Variants in FOXN3 observed in about 807,000 individuals in gnomAD.
The protein encoded by FOXN3 is forkhead box N3.
FOXN3 carries 7 observed loss-of-function variants against 38.4 expected under a neutral mutation model. The observed-to-expected ratio is 0.18, with a 90% CI of 0.10 to 0.34. The LOEUF is 0.34. FOXN3 is among the 10% of genes least tolerant of loss of function. The probability of loss-of-function intolerance (pLI) is 1.00; values close to 1 mark genes in which losing one functional copy is unlikely to be tolerated. For synonymous variants in FOXN3, 230 were observed against 242.2 expected (o/e 0.95, Z 0.47); for missense variants, 456 against 613.4 (o/e 0.74, Z 2.71).
intron 1 of FOXN3, among the ~76,000 whole-genome samples, chr14:89,531,556 C>T (rs1302080120): frequency 6.6e-6 from 1 of 152,182 alleles, no homozygotes; most frequent in East Asian, 1.9e-4. Context: ...CTTGTGGAAT[C>T]CCAGTGCTAT....
chr14:89,617,579 G>A (rs974511321), intron 1 of FOXN3, among the ~76,000 whole-genome samples: 4 of 152,106 alleles, frequency 2.6e-5, no homozygotes, highest in African/African-American at 9.7e-5. Flanking sequence ...ATCAAAACCC[G>A]GTTAGGAATC....
At chr14:89,269,972 T>G (rs1308952603) in intron 4 of FOXN3, among the ~76,000 whole-genome samples, 1 of 152,186 alleles carries the variant, frequency 6.6e-6, no homozygotes, top group Non-Finnish European at 1.5e-5. Context: ...GAACAAATCT[T>G]TTCTCTTTTG....
chr14:89,246,568 TCTCA>T (rs1304261686), intron 4 of FOXN3, among the ~76,000 whole-genome samples: 9 of 97,138 alleles, frequency 9.3e-5, no homozygotes, highest in Non-Finnish European at 1.8e-4. Context: ...TTTGAGACAG[TCTCA>T]CTCTGTTGCC....
At chr14:89,509,586 C>T (rs1173787319) in intron 1 of FOXN3, among the ~76,000 whole-genome samples, 4 of 152,188 alleles carry the variant, frequency 2.6e-5, no homozygotes, top group Non-Finnish European at 4.4e-5. Flanking sequence ...CTGCCCGCCT[C>T]GGCCTCCCAA....
chr14:89,188,964 G>A (rs1435944562), intron 4 of FOXN3, among the ~76,000 whole-genome samples: 1 of 152,152 alleles, frequency 6.6e-6, no homozygotes, highest in East Asian at 1.9e-4. Context: ...GCTTAGCAGT[G>A]GTGTTTGCAT....
intron 1 of FOXN3, among the ~76,000 whole-genome samples, chr14:89,553,234 G>A (rs1423022262): frequency 1.2e-5 from 1 of 80,020 alleles, no homozygotes; most frequent in African/African-American, 4.4e-5. Flanking sequence ...ACGAGACCCT[G>A]TCCCAAAAAA....
intron 2 of FOXN3, among the ~76,000 whole-genome samples, chr14:89,388,901 C>T (rs140796172): frequency 1.8e-4 from 27 of 152,044 alleles, no homozygotes; most frequent in African/African-American, 5.8e-4. Flanking sequence ...GCACAGGCCC[C>T]GCACTGTGAC....
At position 89,439,065 on chromosome 14, in the gene FOXN3, C is replaced by A. The variant is rs999899305; in HGVS notation, c.-14-26575G>T. ...GAGCCACCACGCCTGGCCTTACATT[C>A]TTTTCTTAAAGAGGTACCCACCCCT... On this transcript the variant is annotated intron_variant, in intron 1 of 6. Transcript: ENST00000345097. 5.3e-5 allele frequency among the ~76,000 whole-genome samples: 8 copies of A among 152,074 alleles called. No homozygotes were observed. The East Asian group carries it at 1.5e-3, about 29-fold the overall frequency.
intron 2 of FOXN3, among the ~76,000 whole-genome samples, chr14:89,373,673 A>C (rs1890389274): frequency 6.6e-6 from 1 of 152,220 alleles, no homozygotes; most frequent in South Asian, 2.1e-4. Context: ...GGCCTAACAC[A>C]GTGCCTGGCA....
chr14:89,397,527 C>G (rs1891132401), intron 2 of FOXN3, among the ~76,000 whole-genome samples: 1 of 151,880 alleles, frequency 6.6e-6, no homozygotes, highest in Non-Finnish European at 1.5e-5. Flanking sequence ...GCACTTGACT[C>G]CTTTGTCTGT....
intron 4 of FOXN3, among the ~76,000 whole-genome samples, chr14:89,226,806 C>G (rs552322777): frequency 6.6e-6 from 1 of 152,284 alleles, no homozygotes; most frequent in East Asian, 1.9e-4. Context: ...TGGACGCAGA[C>G]AGAAACACGA....
intron 1 of FOXN3, among the ~76,000 whole-genome samples, chr14:89,583,286 G>C (rs1443310448): frequency 2.0e-5 from 3 of 152,190 alleles, no homozygotes; most frequent in African/African-American, 7.2e-5. Context: ...GCATTGTTGA[G>C]AGGTGAGGCA....
rs2139773136 is a variant in FOXN3 at position 89,161,880 on chromosome 14, A to G, written c.*534T>C. 1 of 152,420 alleles carries G rather than the reference A, an allele frequency of 6.6e-6. No homozygotes were observed. The highest frequency in any genetic ancestry group is 1.5e-5 in the Non-Finnish European group (1 of 68,164). 9.4% of individuals were successfully genotyped at this position (152,420 alleles called of 1,614,324 possible). A position where few individuals can be genotyped will look rare whatever the true frequency, so the allele number is the denominator to read the frequency against. ...GCACCATCAGATGCCTGGTGCCACA[A>G]GCTTGGGTCTGCTCCTAGGGGGACG... On this transcript the variant is annotated 3_prime_UTR_variant, in exon 6 of 6. Transcript: ENST00000557258.
intron 4 of FOXN3, among the ~76,000 whole-genome samples, chr14:89,254,559 T>C (rs142689793): frequency 3.0e-4 from 45 of 152,294 alleles, no homozygotes; most frequent in Middle Eastern, 3.4e-3. Flanking sequence ...CAAGGGAAGC[T>C]AGAAATCCAG....
Position 89,412,810 on chromosome 14 carries a change from G to A in FOXN3, c.-14-320C>T, listed in dbSNP as rs968573411. ...GCACTTTGGGAGGCTGAGGCGGGAC[G>A]ATTGCTTGAGACCAGGAGACCAGTT... On this transcript the variant is annotated intron_variant, in intron 1 of 5. Coordinates refer to ENST00000557258, the MANE Select transcript of FOXN3 (RefSeq NM_005197.4). The surrounding 1 kb of genome is among the most constrained non-coding windows in gnomAD (Gnocchi z 4.7). Among the ~76,000 whole-genome samples, 3 of 152,164 alleles carry A rather than the reference G, an allele frequency of 2.0e-5. No homozygotes were observed. Among genetic ancestry groups the A allele is most frequent in the East Asian group, 1.9e-4 (1 of 5,190 alleles).
chr14:89,325,269 CACCAA>C (rs1429578794), intron 3 of FOXN3, among the ~76,000 whole-genome samples: 5 of 144,578 alleles, frequency 3.5e-5, no homozygotes, highest in Non-Finnish European at 4.6e-5. Flanking sequence ...CCACCACCAT[CACCAA>C]CACCAACACC....
intron 1 of FOXN3, among the ~76,000 whole-genome samples, chr14:89,433,664 C>G (rs749401453): frequency 6.6e-6 from 1 of 151,616 alleles, no homozygotes; most frequent in South Asian, 2.1e-4. Context: ...ATTAGCCAGG[C>G]GTGGTGGCAG....
intron 3 of FOXN3, among the ~76,000 whole-genome samples, chr14:89,335,969 C>T (rs1387658176): frequency 6.6e-6 from 1 of 151,882 alleles, no homozygotes; most frequent in Non-Finnish European, 1.5e-5. Flanking sequence ...AAGAGGAAAC[C>T]CTCATTTGCT....
At chr14:89,342,081 G>A (rs1230793435) in intron 3 of FOXN3, among the ~76,000 whole-genome samples, 2 of 152,202 alleles carry the variant, frequency 1.3e-5, no homozygotes, top group African/African-American at 4.8e-5. Context: ...ATCTGTAGTA[G>A]ACTTAAAGAA....
Sources: gnomAD v4.1 joint callset for allele counts (sites outside exome capture counted in the v4.1 genomes callset) on GRCh38, gnomAD v4.1.1 for gene constraint, Gnocchi (gnomAD v3.1) non-coding constraint, MANE v1.5 for transcripts, NCBI Gene and HGNC (gene_info 2026-07-23, HGNC 2026-07-21) for gene names.